Variants in EPHA6 observed in about 807,000 individuals in gnomAD.
The protein encoded by EPHA6 is EPH receptor A6, also known as ephrin type-A receptor 6.
EPHA6 carries 50 observed loss-of-function variants against 112.0 expected under a neutral mutation model. The ratio of observed to expected loss-of-function variants is 0.45; its 90% CI spans 0.36 to 0.56. The LOEUF is 0.56. Among genes scored for constraint, EPHA6 ranks in the 20% least tolerant of loss-of-function variants. The probability of loss-of-function intolerance (pLI) is 0.00; values close to 1 mark genes in which losing one functional copy is unlikely to be tolerated. For synonymous variants in EPHA6, 529 were observed against 490.7 expected, an observed-to-expected ratio of 1.08 and a Z score of -1.03; for missense variants, 1,280 against 1,417.4, an observed-to-expected ratio of 0.90 and a Z score of 1.56.
chr3:97,572,207 A>G (rs1239447931), intron 11 of EPHA6, among the ~76,000 whole-genome samples: 2 of 147,712 alleles, frequency 1.4e-5, no homozygotes, highest in Non-Finnish European at 3.0e-5. Context: ...CTGGAGTGCA[A>G]TGGCACTATC....
At chr3:97,186,050 C>G (rs1006566282) in intron 3 of EPHA6, among the ~76,000 whole-genome samples, 8 of 115,772 alleles carry the variant, frequency 6.9e-5, no homozygotes, top group Non-Finnish European at 3.4e-5. Flanking sequence ...CATCACACAC[C>G]GGGGACTGTT....
At position 97,631,617 on chromosome 3, in the gene EPHA6, T is replaced by C. The variant is rs554494533; in HGVS notation, c.2575-6256T>C. Among the ~76,000 whole-genome samples the C allele has an allele frequency of 3.9e-5, 6 of 152,146 alleles. No individual in the cohort carries two copies. The East Asian group carries it at 7.8e-4, about 20-fold the overall frequency. ...TTTAGCTTAAATTGTCATTATCCAA[T>C]AGTATTTATTGAACCAGATTTGTGA... On this transcript the variant is annotated intron_variant, in intron 13 of 17. Coordinates refer to ENST00000389672, the MANE Select transcript of EPHA6 (RefSeq NM_001080448.3).
intron 10 of EPHA6, among the ~76,000 whole-genome samples, chr3:97,504,622 C>T (rs1354508024): frequency 6.6e-6 from 1 of 152,190 alleles, no homozygotes; most frequent in Non-Finnish European, 1.5e-5. Context: ...GTTCTCTCAT[C>T]TGTGCTTTCA....
intron 14 of EPHA6, among the ~76,000 whole-genome samples, chr3:97,653,986 G>A (rs557368613): frequency 6.6e-6 from 1 of 152,016 alleles, no homozygotes; most frequent in Non-Finnish European, 1.5e-5. Context: ...GCTGCAGGGA[G>A]AGGGAAATGG....
intron 14 of EPHA6, among the ~76,000 whole-genome samples, chr3:97,713,259 T>C (rs1276432769): frequency 7.2e-5 from 11 of 152,100 alleles, no homozygotes; most frequent in Admixed American, 1.3e-4. Context: ...AACTTAGCCA[T>C]GAAAAGCCTA....
At chr3:97,263,794 G>T (rs1006884418) in intron 5 of EPHA6, among the ~76,000 whole-genome samples, 1 of 152,238 alleles carries the variant, frequency 6.6e-6, no homozygotes, top group African/African-American at 2.4e-5. Flanking sequence ...AAAGTATAAT[G>T]TGTGGCAGGT....
intron 3 of EPHA6, among the ~76,000 whole-genome samples, chr3:97,179,606 TAC>T: frequency 6.6e-6 from 1 of 152,212 alleles, no homozygotes; most frequent in Admixed American, 6.5e-5. Context: ...CTGTGGTTCT[TAC>T]AGACTTTTAG....
intron 2 of EPHA6, among the ~76,000 whole-genome samples, chr3:96,925,316 T>C (rs1193320751): frequency 6.6e-6 from 1 of 152,316 alleles, no homozygotes; most frequent in Non-Finnish European, 1.5e-5. Flanking sequence ...ACTCTCTCAA[T>C]TTTGAAACTC....
chr3:97,155,456 G>A (rs1368903280), intron 3 of EPHA6, among the ~76,000 whole-genome samples: 1 of 152,118 alleles, frequency 6.6e-6, no homozygotes, highest in African/African-American at 2.4e-5. Flanking sequence ...CAAAAATATG[G>A]TAATTCTGTG....
At chr3:97,703,856 A>G (rs1481026286) in intron 14 of EPHA6, among the ~76,000 whole-genome samples, 1 of 152,172 alleles carries the variant, frequency 6.6e-6, no homozygotes, top group Non-Finnish European at 1.5e-5. Flanking sequence ...ATAGAATTTC[A>G]TAACTGAGAG....
At chr3:97,726,610 C>G (rs1459756632) in intron 15 of EPHA6, among the ~76,000 whole-genome samples, 1 of 152,024 alleles carries the variant, frequency 6.6e-6, no homozygotes, top group African/African-American at 2.4e-5. Context: ...AAGTGTATAG[C>G]CCCTTGCTGT....
chr3:97,305,187 T>C (rs1280016563), intron 5 of EPHA6, among the ~76,000 whole-genome samples: 1 of 151,902 alleles, frequency 6.6e-6, no homozygotes, highest in East Asian at 1.9e-4. Context: ...TGAGATACCA[T>C]CTCATGCCAG....
At chr3:97,018,800 TC>T (rs2044351905) in intron 3 of EPHA6, among the ~76,000 whole-genome samples, 1 of 152,012 alleles carries the variant, frequency 6.6e-6, no homozygotes, top group African/African-American at 2.4e-5. Context: ...TTCTCTAAAC[TC>T]CCCTGGGGAA....
intron 2 of EPHA6, among the ~76,000 whole-genome samples, chr3:96,932,333 T>TA (rs535377076): frequency 1.3e-4 from 20 of 152,342 alleles, no homozygotes; most frequent in Non-Finnish European, 2.1e-4. Flanking sequence ...TTCAACTTTT[T>TA]ATCCTTTGTT....
At chr3:97,706,330 T>C (rs148854948) in intron 14 of EPHA6, among the ~76,000 whole-genome samples, 2,956 of 152,118 alleles carry the variant, frequency 0.019, 40 homozygotes, top group Non-Finnish European at 0.03. Flanking sequence ...CAAAGGACAA[T>C]AACAAACAAA....
At chr3:97,218,290 C>T (rs958671017) in intron 3 of EPHA6, among the ~76,000 whole-genome samples, 49 of 151,932 alleles carry the variant, frequency 3.2e-4, no homozygotes, top group African/African-American at 1.2e-3. Flanking sequence ...AAATGTAAAA[C>T]CATTCTTAGC....
chr3:97,054,891 A>G (rs926157447), intron 3 of EPHA6, among the ~76,000 whole-genome samples: 1 of 151,980 alleles, frequency 6.6e-6, no homozygotes, highest in African/African-American at 2.4e-5. Flanking sequence ...TCCAAGGGTA[A>G]TGATACCTTC....
At chr3:96,896,487 G>A (rs990374852) in intron 2 of EPHA6, among the ~76,000 whole-genome samples, 1 of 152,084 alleles carries the variant, frequency 6.6e-6, no homozygotes, top group East Asian at 1.9e-4. Context: ...AGTAAGCCTG[G>A]TCCCTGTCTT....
intron 14 of EPHA6, among the ~76,000 whole-genome samples, chr3:97,678,976 T>C (rs958200455): frequency 6.6e-6 from 1 of 152,216 alleles, no homozygotes; most frequent in African/African-American, 2.4e-5. Flanking sequence ...AACCCATCTC[T>C]ATTTATTGTG....
Sources: allele counts gnomAD v4.1 joint callset (sites outside exome capture counted in the v4.1 genomes callset), GRCh38; gene constraint gnomAD v4.1.1; transcripts MANE v1.5; gene names NCBI Gene and HGNC (gene_info 2026-07-23, HGNC 2026-07-21).